LRP1B: variants seen among roughly 807,000 people sequenced by gnomAD.
LRP1B encodes LDL receptor related protein 1B, also known as low-density lipoprotein receptor-related protein 1B.
A neutral mutation model predicts 556.6 loss-of-function variants in LRP1B; 217 were observed. The observed-to-expected ratio is 0.39, with a 90% CI of 0.35 to 0.44. The LOEUF (loss-of-function observed/expected upper bound fraction) is 0.44, where lower values mean the gene tolerates loss of function less well. Ranked by LOEUF, LRP1B falls within the 20% of genes least tolerant of loss-of-function variation. LRP1B has a pLI of 1.00. For synonymous variants in LRP1B, 2,047 were observed against 1,865.8 expected, an observed-to-expected ratio of 1.10 and a Z score of -2.50; for missense variants, 5,053 against 5,620.8, an observed-to-expected ratio of 0.90 and a Z score of 3.23.
intron 3 of LRP1B, among the ~76,000 whole-genome samples, chr2:141,441,073 ATTTTTT>A (rs1341558565): frequency 6.7e-6 from 1 of 149,540 alleles, no homozygotes; most frequent in Non-Finnish European, 1.5e-5. Flanking sequence ...TTTATTTTTT[ATTTTTT>A]ATTTTATTTT....
intron 41 of LRP1B, among the ~76,000 whole-genome samples, chr2:140,640,597 G>A (rs1022855870): frequency 6.7e-6 from 1 of 149,386 alleles, no homozygotes; most frequent in Non-Finnish European, 1.5e-5. Context: ...GGGTTTCACC[G>A]TGGTCTCGAT....
At chr2:141,016,473 C>T (rs1558802317) in intron 12 of LRP1B, among the ~76,000 whole-genome samples, 2 of 151,984 alleles carry the variant, frequency 1.3e-5, no homozygotes. Flanking sequence ...ATTTGTCTTC[C>T]TGATGCAAAT....
At chr2:141,679,980 G>T (rs968850455) in intron 2 of LRP1B, among the ~76,000 whole-genome samples, 1 of 151,784 alleles carries the variant, frequency 6.6e-6, no homozygotes, top group African/African-American at 2.4e-5. Context: ...ACTCTGGAAT[G>T]AAAGAATGAA....
chr2:141,851,059 C>T (rs754513915), intron 1 of LRP1B, among the ~76,000 whole-genome samples: 4 of 151,712 alleles, frequency 2.6e-5, no homozygotes, highest in Admixed American at 6.6e-5. Context: ...TGGAAGCCCT[C>T]AACAATGAAT....
intron 8 of LRP1B, among the ~76,000 whole-genome samples, chr2:141,059,760 T>C (rs1226288261): frequency 2.0e-5 from 3 of 151,786 alleles, no homozygotes; most frequent in Non-Finnish European, 4.4e-5. Flanking sequence ...TTGGCAAAGG[T>C]CTTAGAGTTT....
intron 3 of LRP1B, among the ~76,000 whole-genome samples, chr2:141,283,484 G>T (rs566428267): frequency 6.6e-6 from 1 of 152,186 alleles, no homozygotes; most frequent in African/African-American, 2.4e-5. Context: ...CTATGTTAAG[G>T]AGTTTAGAAA....
intron 2 of LRP1B, among the ~76,000 whole-genome samples, chr2:141,666,342 T>C (rs181871082): frequency 6.6e-6 from 1 of 152,142 alleles, no homozygotes; most frequent in African/African-American, 2.4e-5. Context: ...TAAAGCCTTA[T>C]CTCATGGTGG....
chr2:141,474,992 A>C (rs1040951486), intron 3 of LRP1B, among the ~76,000 whole-genome samples: 4 of 152,194 alleles, frequency 2.6e-5, no homozygotes, highest in African/African-American at 9.6e-5. Context: ...TCCTCTTTTC[A>C]CTGACCTCTG....
intron 18 of LRP1B, among the ~76,000 whole-genome samples, chr2:140,968,114 C>T (rs1185339584): frequency 6.6e-6 from 1 of 150,894 alleles, no homozygotes; most frequent in Non-Finnish European, 1.5e-5. Context: ...GGTACCAGCT[C>T]CTCCTTGTAA....
intron 15 of LRP1B, among the ~76,000 whole-genome samples, chr2:141,000,763 A>T (rs1697395797): frequency 6.6e-6 from 1 of 152,034 alleles, no homozygotes; most frequent in African/African-American, 2.4e-5. Context: ...GTAGGATTTT[A>T]CTTCCTAAGT....
At chr2:140,881,894 C>G (rs114005343) in intron 25 of LRP1B, among the ~76,000 whole-genome samples, 2 of 152,212 alleles carry the variant, frequency 1.3e-5, no homozygotes, top group African/African-American at 2.4e-5. Flanking sequence ...TTTCTTTACT[C>G]TCAGGTTGGA....
intron 2 of LRP1B, among the ~76,000 whole-genome samples, chr2:141,508,147 T>C (rs1194348435): frequency 6.6e-6 from 1 of 151,474 alleles, no homozygotes; most frequent in Non-Finnish European, 1.5e-5. Context: ...GTCTTTGGAA[T>C]GTATGATGTC....
At chr2:140,733,484 GA>G (rs1164802342) in intron 35 of LRP1B, among the ~76,000 whole-genome samples, 6 of 152,096 alleles carry the variant, frequency 3.9e-5, no homozygotes, top group Admixed American at 6.6e-5. Flanking sequence ...TATCATTGCA[GA>G]AACAGTTAAA....
intron 3 of LRP1B, among the ~76,000 whole-genome samples, chr2:141,448,799 C>T (rs1021437043): frequency 1.3e-5 from 2 of 152,192 alleles, no homozygotes; most frequent in Admixed American, 1.3e-4. Context: ...CCACCTTCTG[C>T]GTTCATCTTG....
intron 50 of LRP1B, among the ~76,000 whole-genome samples, chr2:140,515,184 A>G (rs959719452): frequency 6.6e-6 from 1 of 152,042 alleles, no homozygotes; most frequent in Non-Finnish European, 1.5e-5. Flanking sequence ...TAAGTAAGGT[A>G]ACAATATGGT....
intron 41 of LRP1B, among the ~76,000 whole-genome samples, chr2:140,642,455 A>G (rs1684330298): frequency 6.6e-6 from 1 of 152,102 alleles, no homozygotes; most frequent in Admixed American, 6.5e-5. Context: ...TGGTGTTCAT[A>G]TGGGTTATGA....
At chr2:140,980,061 G>A (rs78557147) in intron 18 of LRP1B, among the ~76,000 whole-genome samples, 2,791 of 151,324 alleles carry the variant, frequency 0.018, 85 homozygotes, top group East Asian at 0.14. Context: ...CAAGTAAATT[G>A]TTATTAAAAT....
intron 2 of LRP1B, among the ~76,000 whole-genome samples, chr2:141,809,742 A>G (rs76309228): frequency 2.1e-5 from 1 of 48,238 alleles, no homozygotes; most frequent in African/African-American, 1.5e-4. Context: ...TAAAGTTTCT[A>G]TCTATCTTTC....
chr2:141,444,717 G>T (rs559003645), intron 3 of LRP1B, among the ~76,000 whole-genome samples: 1 of 152,244 alleles, frequency 6.6e-6, no homozygotes, highest in East Asian at 1.9e-4. Flanking sequence ...CTGTTTATGT[G>T]GTAAATTATG....
Sources: allele counts gnomAD v4.1 joint callset (sites outside exome capture counted in the v4.1 genomes callset), GRCh38; gene constraint gnomAD v4.1.1; transcripts MANE v1.5; gene names NCBI Gene and HGNC (gene_info 2026-07-23, HGNC 2026-07-21).